ROBO1: variants seen among roughly 807,000 people sequenced by gnomAD.
The protein encoded by ROBO1 is roundabout homolog 1.
ROBO1 carries 149 observed loss-of-function variants against 195.9 expected under a neutral mutation model. That is an observed-to-expected ratio of 0.76 (90% CI 0.67 to 0.87). The LOEUF is 0.87. Ranked by LOEUF, ROBO1 falls within the 40% of genes least tolerant of loss-of-function variation. ROBO1 has a pLI of 0.00. For missense variants in ROBO1, 1,933 were observed against 2,068.3 expected (o/e 0.93, Z 1.27); for synonymous variants, 816 against 733.2 (o/e 1.11, Z -1.82).
At chr3:78,696,715 CGT>C (rs2081303652) in intron 8 of ROBO1, among the ~76,000 whole-genome samples, 1 of 144,402 alleles carries the variant, frequency 6.9e-6, no homozygotes, top group Admixed American at 7.0e-5. Context: ...TATATATACA[CGT>C]ATATATACAT....
chr3:78,642,597 T>C (rs1235364618), intron 21 of ROBO1, among the ~76,000 whole-genome samples: 4 of 152,216 alleles, frequency 2.6e-5, no homozygotes, highest in Non-Finnish European at 5.9e-5. Flanking sequence ...TCTCAGGTTT[T>C]CTCTGCTTTC....
chr3:79,053,268 G>T (rs1471389998), intron 3 of ROBO1, among the ~76,000 whole-genome samples: 1 of 151,734 alleles, frequency 6.6e-6, no homozygotes, highest in Non-Finnish European at 1.5e-5. Context: ...TTTGTTAGCT[G>T]ATCAGCCTCT....
At chr3:78,699,158 C>A (rs1458937116) in intron 8 of ROBO1, among the ~76,000 whole-genome samples, 1 of 152,076 alleles carries the variant, frequency 6.6e-6, no homozygotes, top group Non-Finnish European at 1.5e-5. Flanking sequence ...CTCTTTATTG[C>A]CACCATTCTG....
chr3:79,432,777 T>G lies in ROBO1; in HGVS notation c.88+157047A>C, dbSNP rs78582519. ...ATCATGCTGTTTTAAGAAAAATCAA[T>G]GCCACAATATTTCTTTTTAGTCAAG... On this transcript the variant is annotated intron_variant, in intron 2 of 30. Coordinates refer to ENST00000464233, the MANE Select transcript of ROBO1 (RefSeq NM_002941.4). Among the ~76,000 whole-genome samples the G allele has an allele frequency of 5.0e-3, 764 of 152,222 alleles. 5 individuals are homozygous for G. The highest frequency in any genetic ancestry group is 8.5e-3 in the Admixed American group (129 of 15,260).
At chr3:79,391,292 C>G (rs1368852244) in intron 2 of ROBO1, among the ~76,000 whole-genome samples, 1 of 151,764 alleles carries the variant, frequency 6.6e-6, no homozygotes, top group Non-Finnish European at 1.5e-5. Context: ...GACTCCATCT[C>G]AAATAAAACA....
chr3:79,204,633 A>G (rs896026507), intron 2 of ROBO1, among the ~76,000 whole-genome samples: 1 of 152,190 alleles, frequency 6.6e-6, no homozygotes, highest in African/African-American at 2.4e-5. Context: ...ATTGCTTTTC[A>G]GGATGACTGC....
intron 3 of ROBO1, among the ~76,000 whole-genome samples, chr3:79,011,708 A>G (rs1019210512): frequency 5.3e-5 from 8 of 149,874 alleles, no homozygotes; most frequent in African/African-American, 1.9e-4. Flanking sequence ...TATATTATAT[A>G]TATGTTTTCA....
intron 2 of ROBO1, among the ~76,000 whole-genome samples, chr3:79,418,002 TAGCCCTATGA>T (rs1339056576): frequency 6.6e-6 from 1 of 152,134 alleles, no homozygotes; most frequent in African/African-American, 2.4e-5. Flanking sequence ...ATAAGATAGA[TAGCCCTATGA>T]AGCCCCTAGC....
intron 3 of ROBO1, among the ~76,000 whole-genome samples, chr3:79,078,458 T>C (rs1278827799): frequency 1.3e-5 from 2 of 151,734 alleles, no homozygotes; most frequent in Non-Finnish European, 3.0e-5. Context: ...TGGTTGAGTA[T>C]CAAAATATTC....
intron 4 of ROBO1, among the ~76,000 whole-genome samples, chr3:78,806,884 T>C (rs1182681339): frequency 6.6e-6 from 1 of 152,056 alleles, no homozygotes; most frequent in Non-Finnish European, 1.5e-5. Context: ...CTCAGCTCAC[T>C]GCAACCTCCG....
Position 78,714,513 on chromosome 3 carries a change from C to T in ROBO1, c.929G>A (p.Arg310Gln), listed in dbSNP as rs545722249. 77 of 1,610,298 alleles carry T rather than the reference C, an allele frequency of 4.8e-5. No homozygotes were observed. The Admixed American group carries it at 7.9e-4, about 17-fold the overall frequency. The stretch of plus-strand genomic sequence containing the variant: ...CCTAATTTTCAAGGTATGATCATCT[C>T]GGATTTCATATCTAATGACATAACA... ...GELPKSRYEIRDDHTLKIRKV... is the reference protein window; with the variant it reads ...GELPKSRYEIQDDHTLKIRKV... The change falls in exon 8 of 31, where the codon CGA (arginine) becomes CAA (glutamine). Residue 310 changes from arginine to glutamine, a missense_variant. Physicochemically the swap from Arg to Gln is conservative, Grantham distance 43 (BLOSUM62 1). This residue lies in a region of ROBO1 where 1,737 missense variants were observed against 1,882.5 expected (regional missense o/e 0.92). Transcript: ENST00000464233.
At chr3:79,672,357 C>T (rs1946657721) in intron 1 of ROBO1, among the ~76,000 whole-genome samples, 1 of 151,950 alleles carries the variant, frequency 6.6e-6, no homozygotes, top group Admixed American at 6.6e-5. Flanking sequence ...TCTTTGAAGA[C>T]AGTTAAATTT....
intron 1 of ROBO1, among the ~76,000 whole-genome samples, chr3:79,680,507 G>A (rs1946912797): frequency 1.3e-5 from 2 of 152,084 alleles, no homozygotes; most frequent in African/African-American, 4.8e-5. Flanking sequence ...TGAAAAGTGA[G>A]GTACATGAAC....
chr3:78,760,079 G>A (rs771792348), intron 4 of ROBO1, among the ~76,000 whole-genome samples: 1 of 152,086 alleles, frequency 6.6e-6, no homozygotes, highest in Non-Finnish European at 1.5e-5. Context: ...AAAGTCTCAC[G>A]AGATCTGACG....
intron 3 of ROBO1, among the ~76,000 whole-genome samples, chr3:78,997,517 C>T (rs2077398024): frequency 6.6e-6 from 1 of 152,086 alleles, no homozygotes; most frequent in South Asian, 2.1e-4. Flanking sequence ...AATCAATGCA[C>T]TCAGATTGAA....
intron 28 of ROBO1, among the ~76,000 whole-genome samples, chr3:78,610,481 A>T (rs1326421857): frequency 1.3e-5 from 2 of 152,148 alleles, no homozygotes; most frequent in African/African-American, 4.8e-5. Context: ...AGAGAGAGTG[A>T]GTGACTGCAG....
chr3:78,784,047 C>T (rs1371372604), intron 4 of ROBO1, among the ~76,000 whole-genome samples: 3 of 151,702 alleles, frequency 2.0e-5, no homozygotes, highest in East Asian at 3.9e-4. Flanking sequence ...AGTAACTACG[C>T]AGAAAAAAAA....
intron 1 of ROBO1, among the ~76,000 whole-genome samples, chr3:79,597,472 A>G (rs1311039230): frequency 6.6e-6 from 1 of 152,080 alleles, no homozygotes; most frequent in Non-Finnish European, 1.5e-5. Context: ...GCACAGTTTT[A>G]AATCTGAATT....
intron 4 of ROBO1, among the ~76,000 whole-genome samples, chr3:78,782,966 A>G (rs907518940): frequency 6.6e-6 from 1 of 152,186 alleles, no homozygotes; most frequent in African/African-American, 2.4e-5. Context: ...ATTGATTTCT[A>G]TGTGCTGGGC....
Sources: allele counts gnomAD v4.1 joint callset (sites outside exome capture counted in the v4.1 genomes callset), GRCh38; gene constraint gnomAD v4.1.1; regional missense constraint gnomAD v4.1.1; transcripts MANE v1.5; gene names NCBI Gene and HGNC (gene_info 2026-07-23, HGNC 2026-07-21).